Variants in SLCO1A2 observed in about 807,000 individuals in gnomAD.
The protein encoded by SLCO1A2 is OATP-1.
SLCO1A2 carries 67 observed loss-of-function variants against 69.0 expected under a neutral mutation model. The observed-to-expected ratio is 0.97, with a 90% CI of 0.80 to 1.19. SLCO1A2 has a LOEUF of 1.19. Among genes scored for constraint, SLCO1A2 ranks in the 50% most tolerant of loss-of-function variants. SLCO1A2 has a pLI of 0.00. For synonymous variants in SLCO1A2, 260 were observed against 265.9 expected (o/e 0.98, Z 0.22); for missense variants, 787 against 793.7 (o/e 0.99, Z 0.10).
intron 12 of SLCO1A2, among the ~76,000 whole-genome samples, chr12:21,289,101 CTCTA>C (rs553369469): frequency 2.8e-3 from 421 of 150,284 alleles, no homozygotes; most frequent in African/African-American, 9.7e-3. Flanking sequence ...ATATTCATAT[CTCTA>C]TATATTTGCA....
chr12:21,314,306 C>T (rs1950592152), intron 4 of SLCO1A2, among the ~76,000 whole-genome samples: 1 of 152,098 alleles, frequency 6.6e-6, no homozygotes, highest in Non-Finnish European at 1.5e-5. Flanking sequence ...ATCTTTTCAC[C>T]AGACTCAACT....
chr12:21,371,782 C>A lies in SLCO1A2; in HGVS notation c.-63+2617G>T, dbSNP rs111885205. Among the ~76,000 whole-genome samples the A allele has an allele frequency of 1.0e-3, 158 of 152,198 alleles. 1 individual carries two copies. The highest frequency in any genetic ancestry group is 3.6e-3 in the African/African-American group (150 of 41,542). ...CTTTGGGAGGCAGAAGTGGGCGGAT[C>A]ACCTGAGGTTGGGAGTTCGAGACCA... On this transcript the variant is annotated intron_variant, in intron 2 of 15. Coordinates refer to the SLCO1A2 transcript ENST00000307378.
At chr12:21,270,783 TG>T (rs1942671816) in intron 14 of SLCO1A2, among the ~76,000 whole-genome samples, 1 of 151,666 alleles carries the variant, frequency 6.6e-6, no homozygotes, top group South Asian at 2.1e-4. Context: ...AAAATCCCTA[TG>T]TAAGTGTTAT....
chr12:21,357,734 T>C (rs1421578002), intron 2 of SLCO1A2, among the ~76,000 whole-genome samples: 4 of 152,176 alleles, frequency 2.6e-5, no homozygotes, highest in Non-Finnish European at 5.9e-5. Context: ...TTTGTTTTTA[T>C]CTGGAGGAAT....
intron 2 of SLCO1A2, among the ~76,000 whole-genome samples, chr12:21,320,563 AT>A (rs1297002095): frequency 6.6e-6 from 1 of 152,018 alleles, no homozygotes; most frequent in Non-Finnish European, 1.5e-5. Flanking sequence ...CAGTGGCATA[AT>A]CTTGGCTCAC....
intron 9 of SLCO1A2, among the ~76,000 whole-genome samples, chr12:21,296,766 C>T (rs754961135): frequency 1.3e-5 from 2 of 152,184 alleles, no homozygotes; most frequent in Non-Finnish European, 2.9e-5. Context: ...TTCCAGAGCC[C>T]CACGCCCTAG....
intron 2 of SLCO1A2, among the ~76,000 whole-genome samples, chr12:21,328,919 A>G (rs1273143159): frequency 6.6e-6 from 1 of 152,212 alleles, no homozygotes; most frequent in Admixed American, 6.6e-5. Context: ...CATGGCTTGC[A>G]TATGAAGCAT....
chr12:21,312,733 G>A (rs1950374014), intron 4 of SLCO1A2, among the ~76,000 whole-genome samples: 1 of 152,052 alleles, frequency 6.6e-6, no homozygotes, highest in Non-Finnish European at 1.5e-5. Context: ...TGGGGCAATG[G>A]CTGGTCAGTG....
At chr12:21,392,702 T>C (rs997544045) in intron 1 of SLCO1A2, among the ~76,000 whole-genome samples, 1 of 152,212 alleles carries the variant, frequency 6.6e-6, no homozygotes, top group Non-Finnish European at 1.5e-5. Flanking sequence ...CCTCTTCTTG[T>C]ACATTTCTTT....
At chr12:21,379,752 G>GA (rs1427532608) in intron 1 of SLCO1A2, 2 of 152,176 alleles carry the variant, frequency 1.3e-5, no homozygotes, top group Non-Finnish European at 2.9e-5. Flanking sequence ...TAAAAAAATA[G>GA]AAAAAATAAG....
intron 1 of SLCO1A2, among the ~76,000 whole-genome samples, chr12:21,411,819 G>A (rs1371213860): frequency 6.6e-6 from 1 of 151,948 alleles, no homozygotes; most frequent in Non-Finnish European, 1.5e-5. Flanking sequence ...AAGTAGCTGG[G>A]ACTACAGGCA....
chr12:21,382,080 G>C (rs1940621543), intron 1 of SLCO1A2, among the ~76,000 whole-genome samples: 2 of 152,158 alleles, frequency 1.3e-5, no homozygotes, highest in South Asian at 2.1e-4. Context: ...GCCAACCTAA[G>C]TGCCCATCAA....
At chr12:21,355,779 A>T (rs1222858700) in intron 2 of SLCO1A2, among the ~76,000 whole-genome samples, 4 of 152,222 alleles carry the variant, frequency 2.6e-5, no homozygotes, top group African/African-American at 9.6e-5. Flanking sequence ...TAAGTTTAAA[A>T]GAAAATTTGT....
intron 2 of SLCO1A2, chr12:21,373,719 G>GA (rs1565521278): frequency 1.4e-6 from 1 of 700,266 alleles, no homozygotes; most frequent in Non-Finnish European, 2.6e-6. Context: ...CATGAAGCGG[G>GA]AAAAAAATCA....
chr12:21,407,072 G>A (rs768792005), intron 1 of SLCO1A2, among the ~76,000 whole-genome samples: 5 of 151,972 alleles, frequency 3.3e-5, no homozygotes, highest in African/African-American at 7.3e-5. Flanking sequence ...AGGCTTTTAC[G>A]AAACAATTTA....
intron 10 of SLCO1A2, 51 bp from the exon 11 acceptor site, chr12:21,294,161 T>C: frequency 1.5e-6 from 2 of 1,331,862 alleles, no homozygotes; most frequent in Non-Finnish European, 2.0e-6. Flanking sequence ...ATTCAATCCT[T>C]TTTTTCTTCT....
chr12:21,377,346 C>A (rs915159134), intron 1 of SLCO1A2, among the ~76,000 whole-genome samples: 1 of 152,114 alleles, frequency 6.6e-6, no homozygotes, highest in Non-Finnish European at 1.5e-5. Context: ...TTATGATATT[C>A]TCTTTTTTTG....
At chr12:21,281,177 C>T (rs1219528240) in intron 12 of SLCO1A2, among the ~76,000 whole-genome samples, 2 of 152,046 alleles carry the variant, frequency 1.3e-5, no homozygotes, top group Non-Finnish European at 2.9e-5. Context: ...ATGGGCCAGG[C>T]GTGGTGGCTC....
chr12:21,316,791 T>C (rs1311328476), intron 3 of SLCO1A2, among the ~76,000 whole-genome samples: 1 of 152,176 alleles, frequency 6.6e-6, no homozygotes, highest in African/African-American at 2.4e-5. Context: ...CCTACTTACT[T>C]GCTAATCAAT....
Sources: gnomAD v4.1 joint callset for allele counts (sites outside exome capture counted in the v4.1 genomes callset) on GRCh38, gnomAD v4.1.1 for gene constraint, MANE v1.5 for transcripts, NCBI Gene and HGNC (gene_info 2026-07-23, HGNC 2026-07-21) for gene names.